Variants in UBAC2 observed in about 807,000 individuals in gnomAD.
The protein encoded by UBAC2 is ubiquitin-associated domain-containing protein 2.
UBAC2 carries 26 observed loss-of-function variants against 44.0 expected under a neutral mutation model. The observed-to-expected ratio is 0.59, with a 90% CI of 0.43 to 0.82. The LOEUF is 0.82. Among genes scored for constraint, UBAC2 ranks in the 40% least tolerant of loss-of-function variants. The probability of loss-of-function intolerance (pLI) is 0.00; values close to 1 mark genes in which losing one functional copy is unlikely to be tolerated. For synonymous variants in UBAC2, 155 were observed against 154.3 expected, an observed-to-expected ratio of 1.00 and a Z score of -0.04; for missense variants, 329 against 419.4, an observed-to-expected ratio of 0.78 and a Z score of 1.88.
In UBAC2 at chr13:99,318,007, T is replaced by G; in HGVS notation, c.514-15T>G. The G allele has an allele frequency of 1.3e-6, 2 of 1,598,804 alleles. No homozygotes were observed. Among genetic ancestry groups the G allele is most frequent in the Non-Finnish European group, 1.7e-6 (2 of 1,176,018 alleles). On this transcript the variant is annotated splice_polypyrimidine_tract_variant and intron_variant, in intron 5 of 8. Coordinates refer to ENST00000403766, the MANE Select transcript of UBAC2 (RefSeq NM_001144072.2). ...TGAATTTTATTTTTAGTTGCCTTTT[T>G]TTTTTCTTTTATAGCTTTTCACCTC... is the stretch of plus-strand genomic sequence containing the variant.
At chr13:99,245,583 G>C (rs913653727) in intron 4 of UBAC2, among the ~76,000 whole-genome samples, 3 of 152,196 alleles carry the variant, frequency 2.0e-5, no homozygotes, top group Admixed American at 2.0e-4. Flanking sequence ...GCCGGGCGCG[G>C]TGGCTCATGC....
chr13:99,367,855 C>A lies in UBAC2; in HGVS notation c.876C>A (p.Gly292=), dbSNP rs376969228. 1 of 1,613,796 alleles carries A rather than the reference C, an allele frequency of 6.2e-7. No homozygotes were observed. ...AGCGACAAAACGTAAACTATCAGGG[C>A]GGTCGGCAGTCTGAGCCAGCAGCGC... The part of the protein sequence containing the change: ...LRQRQNVNYQ[G]GRQSEPAAPP... The change falls in exon 8 of 9, where the codon GGC becomes GGA. Residue 292 remains glycine (G), a synonymous_variant. Transcript: ENST00000403766.
At chr13:99,316,384 C>T (rs1461106973) in intron 5 of UBAC2, among the ~76,000 whole-genome samples, 1 of 152,128 alleles carries the variant, frequency 6.6e-6, no homozygotes, top group South Asian at 2.1e-4. Flanking sequence ...CTCCCCACTA[C>T]AACCAGGGAC....
In UBAC2 at chr13:99,263,490, A is replaced by T. The variant is rs895737883; in HGVS notation, c.389+18866A>T. 2.6e-5 allele frequency among the ~76,000 whole-genome samples: 4 copies of T among 152,248 alleles called. No individual in the cohort carries two copies. In the South Asian group the frequency reaches 8.3e-4, roughly 32 times the overall value. On this transcript the variant is annotated intron_variant, in intron 4 of 8. Transcript: ENST00000403766. The stretch of plus-strand genomic sequence containing the variant: ...TTCGCCAGAATGCCTACGATGAAAA[A>T]GACGGACAGTGCAAAGTGCTGGCAA...
chr13:99,244,172 G>C (rs1157687451), intron 3 of UBAC2, among the ~76,000 whole-genome samples: 1 of 152,240 alleles, frequency 6.6e-6, no homozygotes, highest in Admixed American at 6.5e-5. Context: ...TGTAGTATTA[G>C]TTGTGAACAC....
intron 1 of UBAC2, among the ~76,000 whole-genome samples, chr13:99,230,642 C>T (rs552977039): frequency 5.3e-5 from 8 of 152,254 alleles, no homozygotes; most frequent in Non-Finnish European, 1.0e-4. Context: ...TGAGGCAGCT[C>T]ACATTTCTTG....
intron 8 of UBAC2, chr13:99,377,671 T>C (rs918370721): frequency 2.6e-5 from 4 of 152,274 alleles, no homozygotes; most frequent in African/African-American, 9.6e-5. Flanking sequence ...TAGAATGTTA[T>C]GCTCACCATT....
intron 4 of UBAC2, among the ~76,000 whole-genome samples, chr13:99,263,190 T>C (rs2043693004): frequency 2.6e-5 from 4 of 152,206 alleles, no homozygotes; most frequent in Admixed American, 6.5e-5. Context: ...GTAATTTGAC[T>C]TATAGCAAAC....
At chr13:99,247,855 A>G (rs562662436) in intron 4 of UBAC2, among the ~76,000 whole-genome samples, 59 of 146,876 alleles carry the variant, frequency 4.0e-4, no homozygotes, top group African/African-American at 1.3e-3. Context: ...TTTACTTCCT[A>G]TTTAATTCTC....
At chr13:99,352,794 C>T (rs1374225860) in intron 7 of UBAC2, among the ~76,000 whole-genome samples, 1 of 139,372 alleles carries the variant, frequency 7.2e-6, no homozygotes, top group Admixed American at 7.1e-5. Context: ...GTGATGGTCA[C>T]TCTTCTGGGA....
At chr13:99,291,931 G>A (rs1430327862) in intron 4 of UBAC2, among the ~76,000 whole-genome samples, 1 of 152,128 alleles carries the variant, frequency 6.6e-6, no homozygotes, top group African/African-American at 2.4e-5. Context: ...TATAAGAGAA[G>A]AGGCACTTGC....
intron 8 of UBAC2, among the ~76,000 whole-genome samples, chr13:99,383,890 C>T (rs546527221): frequency 2.3e-4 from 35 of 152,374 alleles, no homozygotes; most frequent in African/African-American, 7.5e-4. Context: ...AGGTTCCCTC[C>T]CCCACCTGCC....
intron 4 of UBAC2, among the ~76,000 whole-genome samples, chr13:99,268,453 A>G (rs1360306662): frequency 6.6e-6 from 1 of 151,868 alleles, no homozygotes; most frequent in Non-Finnish European, 1.5e-5. Flanking sequence ...CATAAAATAC[A>G]AAAAATTAGC....
intron 6 of UBAC2, among the ~76,000 whole-genome samples, chr13:99,330,348 A>G (rs1015354877): frequency 2.7e-5 from 4 of 146,858 alleles, no homozygotes; most frequent in African/African-American, 1.0e-4. Flanking sequence ...AATCCCAGCT[A>G]TTCAGGAGGC....
chr13:99,238,749 G>A (rs1218326455), intron 2 of UBAC2, among the ~76,000 whole-genome samples, 195 bp downstream of exon 2: 2 of 152,238 alleles, frequency 1.3e-5, no homozygotes, highest in East Asian at 3.9e-4. Context: ...AGCAATGGCA[G>A]TATTTCCTTT....
At chr13:99,284,849 AG>A (rs1480058524) in intron 4 of UBAC2, among the ~76,000 whole-genome samples, 3 of 152,202 alleles carry the variant, frequency 2.0e-5, no homozygotes, top group South Asian at 4.1e-4. Context: ...AAGTTTGTGA[AG>A]GTGAAGCAGT....
rs577161136 is a variant in UBAC2, at chr13:99,265,191, T to G, written c.389+20567T>G. Among the ~76,000 whole-genome samples the G allele has an allele frequency of 2.6e-4, 39 of 152,328 alleles. 1 individual carries two copies. The highest frequency in any genetic ancestry group is 8.4e-4 in the African/African-American group (35 of 41,570). On this transcript the variant is annotated intron_variant, in intron 4 of 8. Transcript: ENST00000403766. ...AAATAAAACTAGTACTCCATTCAGT[T>G]GAATATTTGCAGCAATGTTATCTTC... is the stretch of plus-strand genomic sequence containing the variant.
rs140494301 is a variant in UBAC2, at chr13:99,230,128, G to A, written c.32-8299G>A. Among the ~76,000 whole-genome samples the A allele has an allele frequency of 2.4e-3, 363 of 152,236 alleles. 4 individuals carry two copies. The highest frequency in any genetic ancestry group is 0.011 in the South Asian group (52 of 4,820). On this transcript the variant is annotated intron_variant, in intron 1 of 8. Coordinates refer to ENST00000403766, the MANE Select transcript of UBAC2 (RefSeq NM_001144072.2). ...ATGATAATCACTATTTTAGTGTACT[G>A]TTGCTTCTCTAACAAATTATCACAA...
At chr13:99,252,543 G>A (rs1037310433) in intron 4 of UBAC2, among the ~76,000 whole-genome samples, 2 of 152,156 alleles carry the variant, frequency 1.3e-5, no homozygotes, top group Admixed American at 6.5e-5. Context: ...GTAACCATTA[G>A]GTTTTGAAAG....
Sources: gnomAD v4.1 joint callset for allele counts (sites outside exome capture counted in the v4.1 genomes callset) on GRCh38, gnomAD v4.1.1 for gene constraint, MANE v1.5 for transcripts, NCBI Gene and HGNC (gene_info 2026-07-23, HGNC 2026-07-21) for gene names.